Variants in PDE4D observed in about 807,000 individuals in gnomAD.
PDE4D encodes the protein phosphodiesterase 4D.
A neutral mutation model predicts 87.4 loss-of-function variants in PDE4D; 24 were observed. The ratio of observed to expected loss-of-function variants is 0.27; its 90% CI spans 0.20 to 0.39. The LOEUF is 0.39. Ranked by LOEUF, PDE4D falls within the 10% of genes least tolerant of loss-of-function variation. The pLI is 1.00. For synonymous variants in PDE4D, 384 were observed against 383.2 expected, an observed-to-expected ratio of 1.00 and a Z score of -0.02; for missense variants, 714 against 1,041.0, an observed-to-expected ratio of 0.69 and a Z score of 4.32.
At chr5:60,028,219 CTA>C (rs1005969543) in intron 2 of PDE4D, among the ~76,000 whole-genome samples, 1 of 152,060 alleles carries the variant, frequency 6.6e-6, no homozygotes, top group African/African-American at 2.4e-5. Flanking sequence ...CCTTTTTCTT[CTA>C]TCTTTTCTGT....
chr5:59,913,655 G>A (rs1436940756), intron 3 of PDE4D, among the ~76,000 whole-genome samples: 5 of 151,862 alleles, frequency 3.3e-5, no homozygotes, highest in Non-Finnish European at 5.9e-5. Context: ...GTCTACCTCA[G>A]GCATAATATG....
chr5:60,029,533 T>C (rs1370241126), intron 2 of PDE4D, among the ~76,000 whole-genome samples: 1 of 152,220 alleles, frequency 6.6e-6, no homozygotes. Flanking sequence ...CTCTAAAATG[T>C]ATAAAACTAA....
chr5:59,989,282 T>G (rs1003648567), intron 2 of PDE4D, among the ~76,000 whole-genome samples: 12 of 151,710 alleles, frequency 7.9e-5, no homozygotes, highest in Admixed American at 2.6e-4. Context: ...TGGGAAATAT[T>G]TGTGTATCTA....
intron 1 of PDE4D, among the ~76,000 whole-genome samples, chr5:59,643,447 G>T (rs1446962045): frequency 6.6e-6 from 1 of 152,194 alleles, no homozygotes; most frequent in Non-Finnish European, 1.5e-5. Context: ...AAGACACGAG[G>T]AAACTTTTGG....
At chr5:59,900,864 A>G (rs1752188215) in intron 3 of PDE4D, among the ~76,000 whole-genome samples, 1 of 152,194 alleles carries the variant, frequency 6.6e-6, no homozygotes, top group Non-Finnish European at 1.5e-5. Flanking sequence ...CTAAAACTGT[A>G]TAAAGATCTT....
chr5:60,061,614 C>T (rs1029832702), intron 2 of PDE4D, among the ~76,000 whole-genome samples: 11 of 151,956 alleles, frequency 7.2e-5, no homozygotes, highest in Non-Finnish European at 1.0e-4. Flanking sequence ...TAAAAGAGCC[C>T]GTATAGCCAA....
chr5:60,088,543 A>G (rs1292442761), intron 2 of PDE4D, among the ~76,000 whole-genome samples: 1 of 151,992 alleles, frequency 6.6e-6, no homozygotes, highest in Non-Finnish European at 1.5e-5. Context: ...ATTACAATGT[A>G]GAGTTTATTT....
At chr5:59,515,941 C>T (rs1304087920) in intron 1 of PDE4D, among the ~76,000 whole-genome samples, 2 of 152,112 alleles carry the variant, frequency 1.3e-5, no homozygotes, top group African/African-American at 2.4e-5. Flanking sequence ...GGGAAACATA[C>T]AAAAGTGGAT....
At chr5:60,360,256 C>A (rs1337336588) in intron 1 of PDE4D, among the ~76,000 whole-genome samples, 1 of 152,192 alleles carries the variant, frequency 6.6e-6, no homozygotes, top group Non-Finnish European at 1.5e-5. Context: ...CATTCTTTCT[C>A]AGACAAAGCT....
At chr5:60,444,068 C>T (rs1445853321) in intron 1 of PDE4D, among the ~76,000 whole-genome samples, 1 of 151,966 alleles carries the variant, frequency 6.6e-6, no homozygotes, top group Non-Finnish European at 1.5e-5. Flanking sequence ...GAAATAGGTC[C>T]TCCATGTTAT....
chr5:59,576,397 A>AT (rs1161618341), intron 1 of PDE4D, among the ~76,000 whole-genome samples: 2 of 152,152 alleles, frequency 1.3e-5, no homozygotes, highest in Non-Finnish European at 2.9e-5. Context: ...TATCTGTATT[A>AT]TTTTTTATAG....
intron 1 of PDE4D, among the ~76,000 whole-genome samples, chr5:59,236,563 C>T (rs1371246828): frequency 6.6e-6 from 1 of 152,176 alleles, no homozygotes; most frequent in Non-Finnish European, 1.5e-5. Flanking sequence ...CTAGCTTTAA[C>T]ATTCCCAATT....
At chr5:60,210,167 T>G (rs1743024193) in intron 1 of PDE4D, among the ~76,000 whole-genome samples, 1 of 152,094 alleles carries the variant, frequency 6.6e-6, no homozygotes, top group African/African-American at 2.4e-5. Context: ...TCTAATATAT[T>G]AACTCAAAAT....
intron 1 of PDE4D, among the ~76,000 whole-genome samples, chr5:59,735,290 T>G (rs1757923193): frequency 6.6e-6 from 1 of 152,234 alleles, no homozygotes; most frequent in South Asian, 2.1e-4. Context: ...AAGGAATGAT[T>G]ACTAATGTCA....
At chr5:60,458,783 A>G (rs1239923746) in intron 1 of PDE4D, among the ~76,000 whole-genome samples, 1 of 152,144 alleles carries the variant, frequency 6.6e-6, no homozygotes, top group African/African-American at 2.4e-5. Context: ...TTATGCTGCA[A>G]TCCATAAGTG....
intron 1 of PDE4D, among the ~76,000 whole-genome samples, chr5:59,673,634 C>G (rs1747586625): frequency 6.6e-6 from 1 of 152,110 alleles, no homozygotes; most frequent in Non-Finnish European, 1.5e-5. Flanking sequence ...GGAAGCATGG[C>G]GCCATCTAGT....
chr5:59,403,083 T>C (rs768359512), intron 1 of PDE4D, among the ~76,000 whole-genome samples: 24 of 150,496 alleles, frequency 1.6e-4, no homozygotes, highest in Non-Finnish European at 3.1e-4. Context: ...TTTCTAGACG[T>C]CTCCAAAACA....
At chr5:60,349,519 T>G (rs947812164) in intron 1 of PDE4D, among the ~76,000 whole-genome samples, 2 of 152,190 alleles carry the variant, frequency 1.3e-5, no homozygotes, top group Non-Finnish European at 2.9e-5. Context: ...TGTTGGCATT[T>G]ACTATCTAAG....
At chr5:60,337,388 T>TACACACACACACACACACACACAC (rs370108536) in intron 1 of PDE4D, among the ~76,000 whole-genome samples, 9 of 89,478 alleles carry the variant, frequency 1.0e-4, no homozygotes, top group African/African-American at 3.8e-4. Flanking sequence ...TATATATATA[T>TACACACACACACACACACACACAC]ACACACACAC....
Sources: allele counts gnomAD v4.1 joint callset (sites outside exome capture counted in the v4.1 genomes callset), GRCh38; gene constraint gnomAD v4.1.1; transcripts MANE v1.5; gene names NCBI Gene and HGNC (gene_info 2026-07-23, HGNC 2026-07-21).